The following SVEP1 variants were observed in gnomAD, a reference collection of about 807,000 sequenced individuals.
The protein encoded by SVEP1 is sushi, von Willebrand factor type A, EGF and pentraxin domain containing 1.
Under a neutral mutation model 367.3 loss-of-function variants are expected in SVEP1, and 164 were observed. That is an observed-to-expected ratio of 0.45 (90% CI 0.39 to 0.51). The LOEUF is 0.51. SVEP1 is among the 20% of genes least tolerant of loss of function. The pLI, the probability that SVEP1 is intolerant of heterozygous loss-of-function variation, is 0.00. For missense variants in SVEP1, 4,117 were observed against 4,425.3 expected (o/e 0.93, Z 1.98); for synonymous variants, 1,666 against 1,611.6 (o/e 1.03, Z -0.81).
At position 110,481,371 on chromosome 9, in the gene SVEP1, C is replaced by T. The variant is rs143662493; in HGVS notation, c.2236G>A (p.Gly746Arg). The T allele has an allele frequency of 6.2e-6, 10 of 1,610,230 alleles. No individual in the cohort carries two copies. The highest frequency in any genetic ancestry group is 2.7e-5 in the African/African-American group (2 of 74,908). The part of the protein sequence containing the change: ...GDFICTPDNT[G>R]VNCTLTCLEG... ...AAGCAAGTTAATGTACAGTTGACTC[C>T]AGTATTATCTGGAGTGCATATAAAA... is the stretch of plus-strand genomic sequence containing the variant. Residue 746 changes from glycine to arginine, a missense_variant, in exon 12 of 48, where the codon GGA (glycine) becomes AGA (arginine). By Grantham distance (125) the Gly-to-Arg change is moderately radical. Transcript: ENST00000374469.
intron 1 of SVEP1, among the ~76,000 whole-genome samples, chr9:110,567,252 ACAC>A: frequency 1.3e-5 from 2 of 152,292 alleles, no homozygotes; most frequent in East Asian, 3.9e-4. Flanking sequence ...AAGACAACAA[ACAC>A]CACAAGAGAG....
At chr9:110,386,760 G>C (rs951528269) in intron 42 of SVEP1, among the ~76,000 whole-genome samples, 6 of 152,208 alleles carry the variant, frequency 3.9e-5, no homozygotes, top group African/African-American at 1.4e-4. Flanking sequence ...AAAAGTATTT[G>C]AGTGAGGTAC....
chr9:110,531,643 CCAGTCT>C (rs1321243919), intron 3 of SVEP1, among the ~76,000 whole-genome samples: 1 of 152,116 alleles, frequency 6.6e-6, no homozygotes, highest in African/African-American at 2.4e-5. Context: ...TGTAAATTAC[CCAGTCT>C]CAGGTATATC....
chr9:110,379,918 T>C (rs1393264620), intron 43 of SVEP1, among the ~76,000 whole-genome samples: 3 of 152,228 alleles, frequency 2.0e-5, no homozygotes, highest in Non-Finnish European at 4.4e-5. Context: ...ATTGTAGTAC[T>C]GCATATTGTA....
At chr9:110,540,724 T>G (rs1360549488) in intron 3 of SVEP1, among the ~76,000 whole-genome samples, 1 of 152,184 alleles carries the variant, frequency 6.6e-6, no homozygotes. Context: ...TGACAGACTA[T>G]TACTTGTCAG....
intron 5 of SVEP1, among the ~76,000 whole-genome samples, chr9:110,512,180 A>G (rs1223084057): frequency 6.6e-6 from 1 of 152,100 alleles, no homozygotes; most frequent in African/African-American, 2.4e-5. Flanking sequence ...TGTACTGAGA[A>G]GCTTTGTGGG....
At chr9:110,496,152 G>A (rs1163237107) in intron 8 of SVEP1, among the ~76,000 whole-genome samples, 1 of 152,154 alleles carries the variant, frequency 6.6e-6, no homozygotes, top group African/African-American at 2.4e-5. Context: ...TCACATTTAC[G>A]AGTAGAGTTC....
intron 12 of SVEP1, among the ~76,000 whole-genome samples, chr9:110,480,717 A>G (rs79637171): frequency 0.028 from 4,263 of 152,018 alleles, 192 homozygotes; most frequent in African/African-American, 0.098. Context: ...CTGCAGTCTG[A>G]AACTCCAGGG....
At position 110,513,055 on chromosome 9, in the gene SVEP1, T is replaced by C. The variant is rs1829747673; in HGVS notation, c.1174A>G (p.Asn392Asp). 1 of 1,614,008 alleles carries C rather than the reference T, an allele frequency of 6.2e-7. No individual in the cohort carries two copies. The highest frequency in any genetic ancestry group is 8.5e-7 in the Non-Finnish European group (1 of 1,179,882). Reference protein sequence around the residue: ...KPPENGYFIQNTCNNHFNAAC... With the variant: ...KPPENGYFIQDTCNNHFNAAC... ...GCATTGAAGTGGTTGTTGCAAGTGT[T>C]TTGGATAAAGTAACCATTTTCGGGA... Residue 392 changes from asparagine to aspartate, a missense_variant, in exon 5 of 48, where the codon AAC becomes GAC. By Grantham distance (23) the Asn-to-Asp change is conservative. Around this residue, in one of 4 missense-constraint regions of SVEP1, gnomAD observed 2,174 missense variants for 2,494.3 expected, o/e 0.87. Transcript: ENST00000374469.
chr9:110,548,203 A>G (rs539871579), intron 2 of SVEP1, among the ~76,000 whole-genome samples: 44 of 152,194 alleles, frequency 2.9e-4, no homozygotes, highest in Non-Finnish European at 4.9e-4. Flanking sequence ...TGTGCTACAT[A>G]CTATATTGGT....
chr9:110,559,233 C>T (rs941452015), intron 1 of SVEP1, among the ~76,000 whole-genome samples: 14 of 151,978 alleles, frequency 9.2e-5, no homozygotes, highest in African/African-American at 3.1e-4. Flanking sequence ...AAGTGTTATA[C>T]TTCTTAAAGC....
Position 110,549,866 on chromosome 9 carries a change from C to T in SVEP1, c.770G>A (p.Arg257His), listed in dbSNP as rs551166153. 9.3e-6 allele frequency: 15 copies of T among 1,613,758 alleles called. No homozygotes were observed. Among genetic ancestry groups the T allele is most frequent in the East Asian group, 6.7e-5 (3 of 44,870 alleles). Residue 257 changes from arginine to histidine, a missense_variant, in exon 2 of 48, where the codon CGC (arginine) becomes CAC (histidine). Physicochemically the swap from Arg to His is conservative, Grantham distance 29. This residue lies in a region of SVEP1 where 2,174 missense variants were observed against 2,494.3 expected (regional missense o/e 0.87). Coordinates refer to ENST00000374469, the MANE Select transcript of SVEP1 (RefSeq NM_153366.4). Reference protein sequence around the residue: ...HSFEEFEALARRALHEDLPSG... With the variant: ...HSFEEFEALAHRALHEDLPSG... ...TCCATTACCTTCATGCAATGCCCGG[C>T]GAGCTAAAGCCTCAAATTCTTCAAA...
chr9:110,564,467 C>A (rs1474246125), intron 1 of SVEP1, among the ~76,000 whole-genome samples: 1 of 152,044 alleles, frequency 6.6e-6, no homozygotes, highest in Non-Finnish European at 1.5e-5. Context: ...CTTGAAAAAG[C>A]CAAATATATT....
intron 19 of SVEP1, among the ~76,000 whole-genome samples, 175 bp from the exon 20 acceptor site, chr9:110,458,737 A>G (rs1269726129): frequency 6.6e-6 from 1 of 152,148 alleles, no homozygotes; most frequent in African/African-American, 2.4e-5. Context: ...TACATCCTAG[A>G]CTCTTAGAAA....
chr9:110,392,550 T>C (rs921502852), intron 40 of SVEP1, among the ~76,000 whole-genome samples: 6 of 152,184 alleles, frequency 3.9e-5, no homozygotes, highest in African/African-American at 1.4e-4. Flanking sequence ...CTTAAATCCA[T>C]TAATTCTTAG....
chr9:110,440,298 A>G (rs1828494030), intron 27 of SVEP1, among the ~76,000 whole-genome samples: 1 of 152,002 alleles, frequency 6.6e-6, no homozygotes, highest in Non-Finnish European at 1.5e-5. Flanking sequence ...GGATCAGCCA[A>G]CCATTCTTCC....
At chr9:110,492,384 G>A (rs1239468806) in intron 8 of SVEP1, among the ~76,000 whole-genome samples, 3 of 152,032 alleles carry the variant, frequency 2.0e-5, no homozygotes. Flanking sequence ...ACTATAAGCG[G>A]CTGAAAAGTT....
intron 3 of SVEP1, among the ~76,000 whole-genome samples, chr9:110,543,442 G>A (rs1054427534): frequency 3.9e-5 from 6 of 152,142 alleles, no homozygotes; most frequent in Admixed American, 2.0e-4. Flanking sequence ...CCCCTCTACC[G>A]ATGCACTAAT....
chr9:110,412,421 A>G (rs920874600), intron 36 of SVEP1, among the ~76,000 whole-genome samples: 1 of 152,126 alleles, frequency 6.6e-6, no homozygotes, highest in Admixed American at 6.5e-5. Context: ...TTAAACGTTA[A>G]ACCTAAAACC....
Sources: gnomAD v4.1 joint callset for allele counts (sites outside exome capture counted in the v4.1 genomes callset) on GRCh38, gnomAD v4.1.1 for gene constraint, gnomAD v4.1.1 regional missense constraint, MANE v1.5 for transcripts, NCBI Gene and HGNC (gene_info 2026-07-23, HGNC 2026-07-21) for gene names.